The following CD247 variants were observed in gnomAD, a reference collection of about 807,000 sequenced individuals.
The protein encoded by CD247 is T-cell surface glycoprotein CD3 zeta chain.
Under a neutral mutation model 30.0 loss-of-function variants are expected in CD247, and 13 were observed. The observed-to-expected ratio is 0.43, with a 90% confidence interval of 0.28 to 0.69. CD247 has a LOEUF of 0.69. Among genes scored for constraint, CD247 ranks in the 30% least tolerant of loss-of-function variants. CD247 has a pLI of 0.16. For missense variants in CD247, 193 were observed against 212.6 expected, an observed-to-expected ratio of 0.91 and a Z score of 0.57; for synonymous variants, 72 against 80.0, an observed-to-expected ratio of 0.90 and a Z score of 0.53.
At chr1:167,446,466 T>A (rs1652082618) in intron 1 of CD247, among the ~76,000 whole-genome samples, 1 of 152,138 alleles carries the variant, frequency 6.6e-6, no homozygotes. Flanking sequence ...AATTCTCCTA[T>A]CTGCAGAAGG....
At position 167,434,803 on chromosome 1, in the gene CD247, G is replaced by C. The variant is rs1165054188; in HGVS notation, c.336+596C>G. ...CAGCTAAGGAGACTTTCTAGAAGCA[G>C]GTGCTGCTGCAGGCCGCAAGCAGGT... is the stretch of plus-strand genomic sequence containing the variant. On this transcript the variant is annotated intron_variant, in intron 5 of 7. Coordinates refer to ENST00000362089, the MANE Select transcript of CD247 (RefSeq NM_198053.3). 8.8e-6 allele frequency: 4 copies of C among 456,250 alleles called. No homozygotes were observed. In the East Asian group the frequency reaches 2.8e-4, roughly 31 times the overall value. 28.3% of individuals were successfully genotyped at this position (456,250 alleles called of 1,614,324 possible). A position where few individuals can be genotyped will look rare whatever the true frequency, so the allele number is the denominator to read the frequency against.
intron 4 of CD247, 82 bp from the exon 5 acceptor site, chr1:167,435,516 C>T: frequency 2.6e-6 from 3 of 1,132,236 alleles, no homozygotes; most frequent in South Asian, 1.2e-5. Flanking sequence ...CATCCTGCCC[C>T]CTGACTGCAG....
Position 167,440,823 on chromosome 1 carries a change from C to G in CD247, c.59-56G>C, listed in dbSNP as rs919745647. ...GCCCAAGGTGACGAGAACACATCCC[C>G]ATTACCCCAGGGTGGCACTAGGACT... is the stretch of plus-strand genomic sequence containing the variant. On this transcript the variant is annotated intron_variant, in intron 1 of 7. Coordinates refer to ENST00000362089, the MANE Select transcript of CD247 (RefSeq NM_198053.3). The G allele has an allele frequency of 7.1e-6, 8 of 1,120,996 alleles. No homozygotes were observed. The Admixed American group carries it at 1.3e-4, about 18-fold the overall frequency. 69.4% of individuals were successfully genotyped at this position (1,120,996 alleles called of 1,614,324 possible). A position where few individuals can be genotyped will look rare whatever the true frequency, so the allele number is the denominator to read the frequency against.
At chr1:167,457,930 G>T (rs1652782749) in intron 1 of CD247, among the ~76,000 whole-genome samples, 2 of 152,212 alleles carry the variant, frequency 1.3e-5, no homozygotes, top group Non-Finnish European at 2.9e-5. Context: ...ATAATTGAGA[G>T]AATGATTGAT....
At chr1:167,487,432 AG>A (rs1345481178) in intron 1 of CD247, among the ~76,000 whole-genome samples, 1 of 152,232 alleles carries the variant, frequency 6.6e-6, no homozygotes, top group African/African-American at 2.4e-5. Context: ...AGGCAGGTTC[AG>A]GCCAGCTGAT....
At chr1:167,465,327 CTTTTTTTT>C (rs765176193) in intron 1 of CD247, among the ~76,000 whole-genome samples, 2 of 115,342 alleles carry the variant, frequency 1.7e-5, no homozygotes, top group African/African-American at 6.7e-5. Context: ...TTTTCTTTTT[CTTTTTTTT>C]TTTTTTTTTT....
chr1:167,434,614 C>A, intron 5 of CD247: 1 of 368,398 alleles, frequency 2.7e-6, no homozygotes, highest in Non-Finnish European at 5.3e-6. Flanking sequence ...TAGGGGGGTA[C>A]ACTCAGAAGA....
At chr1:167,476,449 T>A (rs2102057185) in intron 1 of CD247, among the ~76,000 whole-genome samples, 1 of 152,360 alleles carries the variant, frequency 6.6e-6, no homozygotes, top group Middle Eastern at 3.4e-3. Flanking sequence ...TGATTCTTAA[T>A]TCACAGGATT....
chr1:167,445,448 C>T (rs1256401803), intron 1 of CD247, among the ~76,000 whole-genome samples: 2 of 152,140 alleles, frequency 1.3e-5, no homozygotes, highest in Non-Finnish European at 2.9e-5. Context: ...AAGATGATCA[C>T]AGAGTATCTA....
At position 167,492,687 on chromosome 1, in the gene CD247, T is replaced by G. The variant is rs762825200; in HGVS notation, c.58+25721A>C. ...ATCCCCCTAAACCTCCTTCTTGAAC[T>G]GACAGTTCACCCCTAGAAGGAGGTG... On this transcript the variant is annotated intron_variant, in intron 1 of 7. Coordinates refer to ENST00000362089, the MANE Select transcript of CD247 (RefSeq NM_198053.3). 2.6e-5 allele frequency among the ~76,000 whole-genome samples: 4 copies of G among 152,148 alleles called. No homozygotes were observed. In the South Asian group the frequency reaches 8.3e-4, roughly 31 times the overall value.
chr1:167,484,945 C>T (rs774044516), intron 1 of CD247, among the ~76,000 whole-genome samples: 5 of 152,244 alleles, frequency 3.3e-5, no homozygotes, highest in Non-Finnish European at 7.3e-5. Flanking sequence ...GCTCTGCTGC[C>T]AGACTGTTCA....
At position 167,431,759 on chromosome 1, in the gene CD247, C is replaced by G. The variant is rs1194722812; in HGVS notation, c.430-13G>C. ...CTGTACTGAGACCCTGGCGTGAAAG[C>G]AAATCAGAAAACAAAGAGTGGGTCA... On this transcript the variant is annotated splice_polypyrimidine_tract_variant and intron_variant, in intron 7 of 7. Transcript: ENST00000362089. The G allele has an allele frequency of 1.9e-6, 3 of 1,613,558 alleles. No homozygotes were observed. The highest frequency in any genetic ancestry group is 2.7e-5 in the African/African-American group (2 of 74,870).
chr1:167,495,818 C>T (rs370438200), intron 1 of CD247, among the ~76,000 whole-genome samples: 1 of 152,186 alleles, frequency 6.6e-6, no homozygotes, highest in Non-Finnish European at 1.5e-5. Context: ...CGCTCACTTC[C>T]TTCTGGGTTT....
At chr1:167,514,778 T>A (rs556908422) in intron 1 of CD247, among the ~76,000 whole-genome samples, 1 of 152,270 alleles carries the variant, frequency 6.6e-6, no homozygotes, top group Non-Finnish European at 1.5e-5. Context: ...AAGCCTTAGA[T>A]AAATAAGGCT....
chr1:167,470,406 C>A (rs1653458917), intron 1 of CD247, among the ~76,000 whole-genome samples: 1 of 148,544 alleles, frequency 6.7e-6, no homozygotes, highest in African/African-American at 2.5e-5. Flanking sequence ...CATTGGGTAA[C>A]ATGAGGAAGA....
At chr1:167,460,421 T>A (rs942081) in intron 1 of CD247, among the ~76,000 whole-genome samples, 142,385 of 151,960 alleles carry the variant, frequency 0.94, 66,845 homozygotes, top group East Asian at 1. Context: ...AAAATAAAAA[T>A]AAAGAAATAA....
chr1:167,492,186 T>C (rs1654483443), intron 1 of CD247, among the ~76,000 whole-genome samples: 1 of 152,136 alleles, frequency 6.6e-6, no homozygotes, highest in African/African-American at 2.4e-5. Flanking sequence ...GGAGGAAAAA[T>C]TAGCAGCCTG....
intron 3 of CD247, 84 bp from the exon 4 acceptor site, chr1:167,438,734 C>G: frequency 9.2e-7 from 1 of 1,088,680 alleles, no homozygotes; most frequent in Non-Finnish European, 1.4e-6. Flanking sequence ...TGTGGTTTCC[C>G]TCTCTGGGGT....
At chr1:167,501,654 T>G (rs1177619950) in intron 1 of CD247, among the ~76,000 whole-genome samples, 1 of 152,210 alleles carries the variant, frequency 6.6e-6, no homozygotes, top group Non-Finnish European at 1.5e-5. Context: ...ATTTCTTAAC[T>G]CAGAACAGAA....
Sources: gnomAD v4.1 joint callset for allele counts (sites outside exome capture counted in the v4.1 genomes callset) on GRCh38, gnomAD v4.1.1 for gene constraint, MANE v1.5 for transcripts, NCBI Gene and HGNC (gene_info 2026-07-23, HGNC 2026-07-21) for gene names.